DNAH12: variants seen among roughly 807,000 people sequenced by gnomAD.
DNAH12 encodes the protein dynein axonemal heavy chain 12.
DNAH12 carries 285 observed loss-of-function variants against 371.5 expected under a neutral mutation model. That is an observed-to-expected ratio of 0.77 (90% CI 0.70 to 0.85). The LOEUF is 0.85. DNAH12 is among the 40% of genes least tolerant of loss of function. DNAH12 has a pLI of 0.00. For missense variants in DNAH12, 3,611 were observed against 3,689.4 expected, an observed-to-expected ratio of 0.98 and a Z score of 0.55; for synonymous variants, 1,200 against 1,213.0, an observed-to-expected ratio of 0.99 and a Z score of 0.22.
rs1553679860 is a variant in DNAH12 at position 57,403,508 on chromosome 3, C to CA, written c.6756-8dup. 1.8e-5 allele frequency: 28 copies of CA among 1,534,164 alleles called. No homozygotes were observed. The highest frequency in any genetic ancestry group is 3.5e-6 in the Non-Finnish European group (4 of 1,140,374). On this transcript the variant is annotated splice_region_variant and splice_polypyrimidine_tract_variant and intron_variant, in intron 42 of 73. Transcript: ENST00000495027. ...TAAATGTTCCAAAACATACCTACCACAAAAGAAAAATTTTATTAATGCATT... is the reference window on the plus strand; with the variant it reads ...TAAATGTTCCAAAACATACCTACCACAAAAAGAAAAATTTTATTAATGCATT...
intron 59 of DNAH12, among the ~76,000 whole-genome samples, chr3:57,353,604 G>A (rs1197686301): frequency 6.6e-6 from 1 of 151,996 alleles, no homozygotes; most frequent in African/African-American, 2.4e-5. Flanking sequence ...CTACACAATG[G>A]GAGAAAATAT....
chr3:57,323,776 A>G (rs2061865225), intron 62 of DNAH12, among the ~76,000 whole-genome samples, 157 bp from the exon 63 acceptor site: 1 of 152,246 alleles, frequency 6.6e-6, no homozygotes, highest in South Asian at 2.1e-4. Flanking sequence ...AAAAAATAAA[A>G]ACTATATACA....
chr3:57,417,745 A>G (rs1049222764), intron 37 of DNAH12, among the ~76,000 whole-genome samples: 23 of 152,238 alleles, frequency 1.5e-4, no homozygotes, highest in African/African-American at 5.5e-4. Flanking sequence ...TATTATAGTC[A>G]TCAGATCCAC....
chr3:57,516,133 G>T (rs1261334487), intron 4 of DNAH12, among the ~76,000 whole-genome samples: 1 of 117,842 alleles, frequency 8.5e-6, no homozygotes, highest in Non-Finnish European at 1.6e-5. Flanking sequence ...GCATGATCTT[G>T]ACTCACTGAA....
chr3:57,552,335 G>A, the DNAH12 span, among the ~76,000 whole-genome samples: 1 of 151,946 alleles, frequency 6.6e-6, no homozygotes, highest in South Asian at 2.1e-4. Flanking sequence ...GGGATTACAG[G>A]CATGAGCCAT....
chr3:57,538,620 C>A (rs1224836396), intron 2 of DNAH12, among the ~76,000 whole-genome samples: 1 of 152,226 alleles, frequency 6.6e-6, no homozygotes, highest in Non-Finnish European at 1.5e-5. Context: ...TCCTGCCTTA[C>A]CAGTTATACT....
intron 13 of DNAH12, among the ~76,000 whole-genome samples, chr3:57,473,901 T>C (rs905728507): frequency 6.6e-5 from 10 of 152,184 alleles, no homozygotes; most frequent in Non-Finnish European, 1.0e-4. Flanking sequence ...AAAAAGCATG[T>C]AGTGAAATTC....
At chr3:57,533,934 T>C (rs2068937778) in intron 2 of DNAH12, among the ~76,000 whole-genome samples, 1 of 152,208 alleles carries the variant, frequency 6.6e-6, no homozygotes, top group African/African-American at 2.4e-5. Flanking sequence ...AGGACTTACC[T>C]AGGAGTTGCA....
At chr3:57,461,784 T>G (rs901758604) in intron 18 of DNAH12, 95 bp from the exon 19 acceptor site, 4 of 958,740 alleles carry the variant, frequency 4.2e-6, no homozygotes, top group African/African-American at 1.6e-5. Flanking sequence ...GAATTTGATG[T>G]ATTACATTAT....
intron 34 of DNAH12, among the ~76,000 whole-genome samples, chr3:57,425,445 G>A (rs930658250): frequency 1.3e-5 from 2 of 151,098 alleles, no homozygotes; most frequent in African/African-American, 2.4e-5. Context: ...ACTCTGTCAC[G>A]CAGGCTAGAG....
At chr3:57,420,050 T>A (rs2064518370) in intron 36 of DNAH12, among the ~76,000 whole-genome samples, 1 of 152,216 alleles carries the variant, frequency 6.6e-6, no homozygotes, top group African/African-American at 2.4e-5. Context: ...CATTATTCTC[T>A]TTGGCATTTT....
At chr3:57,448,529 T>A (rs1175298904) in intron 25 of DNAH12, among the ~76,000 whole-genome samples, 1 of 120,156 alleles carries the variant, frequency 8.3e-6, no homozygotes, top group Non-Finnish European at 2.0e-5. Context: ...GTGTGACAGC[T>A]CAGTGGACCC....
At chr3:57,472,808 C>T (rs2066405438) in intron 13 of DNAH12, 137 bp from the exon 14 acceptor site, 1 of 893,272 alleles carries the variant, frequency 1.1e-6, no homozygotes, top group Admixed American at 2.9e-5. Context: ...TTTTATATAT[C>T]ACCCAAACCA....
At chr3:57,318,073 T>G (rs1458626766) in intron 65 of DNAH12, among the ~76,000 whole-genome samples, 1 of 152,190 alleles carries the variant, frequency 6.6e-6, no homozygotes, top group Non-Finnish European at 1.5e-5. Flanking sequence ...ATTAACTCCT[T>G]ATCTAATATA....
At chr3:57,506,064 A>G (rs564296442) in intron 8 of DNAH12, among the ~76,000 whole-genome samples, 1 of 152,314 alleles carries the variant, frequency 6.6e-6, no homozygotes, top group African/African-American at 2.4e-5. Flanking sequence ...ATTTTTTAAT[A>G]GAATATCAAC....
intron 37 of DNAH12, among the ~76,000 whole-genome samples, chr3:57,415,900 T>C (rs554516414): frequency 1.3e-5 from 2 of 150,244 alleles, no homozygotes; most frequent in South Asian, 4.4e-4. Context: ...GCAACCCCCC[T>C]GCCTCAGCCT....
In DNAH12 at chr3:57,508,550, C is replaced by G; in HGVS notation, c.543-10G>C. On this transcript the variant is annotated splice_polypyrimidine_tract_variant and intron_variant, in intron 6 of 73. Transcript: ENST00000495027. ...AGAATAATCTAGGCCTCTGGAAAAG[C>G]AAAACACCATATCAAACATGATGAA... is the stretch of plus-strand genomic sequence containing the variant. 6.2e-7 allele frequency: 1 copy of G among 1,603,100 alleles called. No individual in the cohort carries two copies.
chr3:57,493,454 G>A (rs2067201877), intron 11 of DNAH12, among the ~76,000 whole-genome samples: 1 of 152,102 alleles, frequency 6.6e-6, no homozygotes, highest in African/African-American at 2.4e-5. Context: ...TTGAGCATCT[G>A]CAGATTTTGA....
intron 37 of DNAH12, among the ~76,000 whole-genome samples, chr3:57,418,550 AC>A (rs201343270): frequency 0.022 from 3,355 of 149,124 alleles, 81 homozygotes; most frequent in Non-Finnish European, 0.033. Context: ...AAAAAAAAAA[AC>A]AAAAAACTGC....
Sources: allele counts gnomAD v4.1 joint callset (sites outside exome capture counted in the v4.1 genomes callset), GRCh38; gene constraint gnomAD v4.1.1; transcripts MANE v1.5; gene names NCBI Gene and HGNC (gene_info 2026-07-23, HGNC 2026-07-21).